The following B3GALT1 variants were observed in gnomAD, a reference collection of about 807,000 sequenced individuals.
B3GALT1 encodes beta-1,3-galactosyltransferase 1.
B3GALT1 carries 10 observed loss-of-function variants against 23.2 expected under a neutral mutation model. The ratio of observed to expected loss-of-function variants is 0.43; its 90% CI spans 0.27 to 0.73. The LOEUF is 0.73. B3GALT1 is among the 30% of genes least tolerant of loss of function. The probability of loss-of-function intolerance (pLI) is 0.21; values close to 1 mark genes in which losing one functional copy is unlikely to be tolerated. For missense variants in B3GALT1, 299 were observed against 405.4 expected (o/e 0.74, Z 2.25); for synonymous variants, 156 against 141.5 (o/e 1.10, Z -0.73).
At chr2:167,568,949 AGTT>A (rs1489001867) in intron 2 of B3GALT1, among the ~76,000 whole-genome samples, 1 of 151,966 alleles carries the variant, frequency 6.6e-6, no homozygotes, top group Non-Finnish European at 1.5e-5. Flanking sequence ...GTGGATGTGC[AGTT>A]GTTCTAGCAC....
intron 4 of B3GALT1, among the ~76,000 whole-genome samples, chr2:167,835,803 A>G (rs904529672): frequency 6.6e-6 from 1 of 152,198 alleles, no homozygotes; most frequent in Non-Finnish European, 1.5e-5. Flanking sequence ...GACACCTCAC[A>G]CAGCCGGGTA....
intron 3 of B3GALT1, among the ~76,000 whole-genome samples, chr2:167,647,283 T>C (rs16853990): frequency 0.042 from 6,360 of 152,252 alleles, 462 homozygotes; most frequent in African/African-American, 0.15. Flanking sequence ...AGTTTATACT[T>C]GACTTGGCTT....
chr2:167,669,078 T>G (rs193273148), intron 3 of B3GALT1, among the ~76,000 whole-genome samples: 4 of 152,192 alleles, frequency 2.6e-5, no homozygotes, highest in African/African-American at 9.6e-5. Context: ...CTCTTATTTT[T>G]TCCGCAAAAC....
intron 4 of B3GALT1, among the ~76,000 whole-genome samples, chr2:167,841,936 T>C (rs1054334123): frequency 6.6e-6 from 1 of 152,254 alleles, no homozygotes; most frequent in Non-Finnish European, 1.5e-5. Flanking sequence ...TGCTTGTTTT[T>C]ACTTCAACAC....
intron 2 of B3GALT1, among the ~76,000 whole-genome samples, chr2:167,532,137 CTT>C (rs1420934705): frequency 2.6e-5 from 4 of 152,070 alleles, no homozygotes; most frequent in African/African-American, 9.7e-5. Flanking sequence ...TTGTTAGCCA[CTT>C]ATGTTTCTTC....
intron 4 of B3GALT1, among the ~76,000 whole-genome samples, chr2:167,838,314 A>C (rs1689539104): frequency 6.6e-6 from 1 of 152,264 alleles, no homozygotes; most frequent in South Asian, 2.1e-4. Flanking sequence ...AGAAGAATCA[A>C]ATAGACGCAA....
intron 1 of B3GALT1, among the ~76,000 whole-genome samples, chr2:167,395,201 G>A (rs1698076316): frequency 6.6e-6 from 1 of 152,022 alleles, no homozygotes; most frequent in African/African-American, 2.4e-5. Flanking sequence ...GTTGAATAAT[G>A]GCTCTTCAGA....
At chr2:167,394,266 C>G (rs1302160868) in intron 1 of B3GALT1, among the ~76,000 whole-genome samples, 1 of 152,130 alleles carries the variant, frequency 6.6e-6, no homozygotes, top group African/African-American at 2.4e-5. Flanking sequence ...AGTTTTAGGT[C>G]AAACACTCTT....
rs1441007922 is a variant in B3GALT1, at chr2:167,519,414, A to T, written c.-410+29137A>T. ...ATACATTTACTAAGATAAACAATTA[A>T]ATTTAATTTAATTTTATCCAGTTTG... On this transcript the variant is annotated intron_variant, in intron 2 of 4. Coordinates refer to ENST00000392690, the MANE Select transcript of B3GALT1 (RefSeq NM_020981.4). Among the ~76,000 whole-genome samples, 14 of 61,808 alleles carry T rather than the reference A, an allele frequency of 2.3e-4. No homozygotes were observed. In the South Asian group the frequency reaches 7.9e-3, roughly 35 times the overall value. 40.5% of individuals were successfully genotyped at this position (61,808 alleles called of 152,430 possible). A position where few individuals can be genotyped will look rare whatever the true frequency, so the allele number is the denominator to read the frequency against.
chr2:167,727,158 CGAA>C (rs1268451231), intron 3 of B3GALT1, among the ~76,000 whole-genome samples: 1 of 151,304 alleles, frequency 6.6e-6, no homozygotes, highest in Non-Finnish European at 1.5e-5. Flanking sequence ...GTAGCCAAAA[CGAA>C]GGACAGTTTT....
intron 4 of B3GALT1, among the ~76,000 whole-genome samples, chr2:167,838,612 G>T (rs1223214986): frequency 6.6e-6 from 1 of 152,408 alleles, no homozygotes; most frequent in Non-Finnish European, 1.5e-5. Context: ...GGAGGAACTG[G>T]TACCATTTCT....
intron 1 of B3GALT1, among the ~76,000 whole-genome samples, chr2:167,301,607 A>G (rs896894271): frequency 6.6e-6 from 1 of 152,094 alleles, no homozygotes; most frequent in Non-Finnish European, 1.5e-5. Context: ...CTGGAGTGCA[A>G]TGGCACACTC....
chr2:167,309,829 AT>A (rs560716041), intron 1 of B3GALT1, among the ~76,000 whole-genome samples: 44 of 152,082 alleles, frequency 2.9e-4, no homozygotes, highest in Non-Finnish European at 6.0e-4. Context: ...GATAATTCTT[AT>A]TTATAAATTT....
chr2:167,564,330 C>A (rs1349132160), intron 2 of B3GALT1, among the ~76,000 whole-genome samples: 10 of 150,942 alleles, frequency 6.6e-5, no homozygotes, highest in African/African-American at 2.4e-4. Flanking sequence ...GCGCTCCCCA[C>A]CTCCTAGATG....
intron 3 of B3GALT1, among the ~76,000 whole-genome samples, chr2:167,670,353 T>C (rs995128723): frequency 1.3e-5 from 2 of 152,126 alleles, no homozygotes; most frequent in Non-Finnish European, 2.9e-5. Flanking sequence ...GGCACACCCA[T>C]AGAAAAAGTC....
At chr2:167,403,554 C>T (rs1001739178) in intron 1 of B3GALT1, among the ~76,000 whole-genome samples, 4 of 151,472 alleles carry the variant, frequency 2.6e-5, no homozygotes, top group African/African-American at 9.7e-5. Context: ...TTTTGGTTGA[C>T]TTAGTGTGAG....
chr2:167,756,013 T>A (rs1477126090), intron 3 of B3GALT1, among the ~76,000 whole-genome samples: 1 of 152,138 alleles, frequency 6.6e-6, no homozygotes, highest in Non-Finnish European at 1.5e-5. Context: ...CTTATTTTTA[T>A]AAAATGAATC....
intron 1 of B3GALT1, among the ~76,000 whole-genome samples, chr2:167,293,539 C>G (rs1330142735): frequency 6.6e-6 from 1 of 152,104 alleles, no homozygotes; most frequent in East Asian, 2.0e-4. Flanking sequence ...ACTTTGACAG[C>G]GCGGGGATGG....
At chr2:167,482,927 A>G (rs1475354593) in intron 1 of B3GALT1, among the ~76,000 whole-genome samples, 5 of 152,198 alleles carry the variant, frequency 3.3e-5, no homozygotes, top group African/African-American at 9.7e-5. Context: ...TGATAATTCT[A>G]ATATTTTTTG....
Sources: allele counts gnomAD v4.1 joint callset (sites outside exome capture counted in the v4.1 genomes callset), GRCh38; gene constraint gnomAD v4.1.1; transcripts MANE v1.5; gene names NCBI Gene and HGNC (gene_info 2026-07-23, HGNC 2026-07-21).